Variants in RAP1GAP2 observed in about 807,000 individuals in gnomAD.
RAP1GAP2 encodes RAP1 GTPase activating protein 2.
RAP1GAP2 carries 27 observed loss-of-function variants against 95.0 expected under a neutral mutation model. That is an observed-to-expected ratio of 0.28 (90% CI 0.21 to 0.39). The LOEUF is 0.39. Among genes scored for constraint, RAP1GAP2 ranks in the 10% least tolerant of loss-of-function variants. The pLI, the probability that RAP1GAP2 is intolerant of heterozygous loss-of-function variation, is 1.00. For synonymous variants in RAP1GAP2, 373 were observed against 380.9 expected, an observed-to-expected ratio of 0.98 and a Z score of 0.24; for missense variants, 771 against 970.0, an observed-to-expected ratio of 0.79 and a Z score of 2.72.
intron 2 of RAP1GAP2, among the ~76,000 whole-genome samples, chr17:2,886,187 T>TTGAGCCGGAGTC (rs1567742947): frequency 6.8e-6 from 1 of 148,000 alleles, no homozygotes; most frequent in East Asian, 2.0e-4. Context: ...TTTTTTTTTT[T>TTGAGCCGGAGTC]TTTGAGCCGG....
chr17:2,999,846 C>A (rs1409616059), intron 14 of RAP1GAP2, among the ~76,000 whole-genome samples: 1 of 152,026 alleles, frequency 6.6e-6, no homozygotes, highest in African/African-American at 2.4e-5. Context: ...CCAATAGCAA[C>A]CCCCTCCTGT....
chr17:2,941,212 G>A (rs373683450), intron 3 of RAP1GAP2, among the ~76,000 whole-genome samples: 2 of 152,268 alleles, frequency 1.3e-5, no homozygotes, highest in East Asian at 3.9e-4. Flanking sequence ...GACCAGCCTG[G>A]CCAACGTGGT....
intron 1 of RAP1GAP2, among the ~76,000 whole-genome samples, chr17:2,786,521 G>A (rs1170953579): frequency 6.6e-6 from 1 of 152,284 alleles, no homozygotes; most frequent in Non-Finnish European, 1.5e-5. Context: ...TAGCAGGGGA[G>A]GGCGGGAGTG....
rs1186639231 is a variant in RAP1GAP2 at position 2,870,908 on chromosome 17, T to C, written c.81-34376T>C. 6.6e-6 allele frequency among the ~76,000 whole-genome samples: 1 copy of C among 152,218 alleles called. No homozygotes were observed. Among genetic ancestry groups the C allele is most frequent in the African/African-American group, 2.4e-5 (1 of 41,464 alleles). Reference sequence around the variant, plus strand: ...GGCCATCTGTCTCCATGATGTTGGATCCATGGTTGTAGATCCTTGTGGGCT... The same window carrying C: ...GGCCATCTGTCTCCATGATGTTGGACCCATGGTTGTAGATCCTTGTGGGCT... On this transcript the variant is annotated intron_variant, in intron 2 of 24. Transcript: ENST00000254695. This position sits in a 1 kb window ranked among gnomAD's most constrained non-coding sequence, Gnocchi z 4.4.
intron 2 of RAP1GAP2, among the ~76,000 whole-genome samples, chr17:2,833,684 C>T (rs1177460531): frequency 5.8e-5 from 7 of 120,990 alleles, no homozygotes; most frequent in African/African-American, 1.6e-4. Context: ...AGCGAGACTC[C>T]GTCTCAAAAA....
chr17:2,927,172 T>G lies in RAP1GAP2; in HGVS notation c.165+21804T>G, dbSNP rs561724062. 2.1e-3 allele frequency among the ~76,000 whole-genome samples: 315 copies of G among 151,096 alleles called. 1 individual carries two copies. The highest frequency in any genetic ancestry group is 7.0e-3 in the African/African-American group (287 of 41,232). ...ACGCTGGAGCAAGTCTTTTTTTTTT[T>G]AGACAGAATCTCGCTCTGTCACCCA... is the stretch of plus-strand genomic sequence containing the variant. On this transcript the variant is annotated intron_variant, in intron 3 of 24. Transcript: ENST00000254695.
At chr17:2,940,471 G>A (rs56215632) in intron 3 of RAP1GAP2, among the ~76,000 whole-genome samples, 6,234 of 152,346 alleles carry the variant, frequency 0.041, 286 homozygotes, top group South Asian at 0.1. Context: ...ATGGCGAGAG[G>A]GGGAGGGACT....
chr17:2,826,258 G>A (rs907373499), intron 2 of RAP1GAP2, among the ~76,000 whole-genome samples: 3 of 147,864 alleles, frequency 2.0e-5, no homozygotes, highest in Non-Finnish European at 4.5e-5. Context: ...GCCTCCCCAA[G>A]TGCTGGGATT....
intron 3 of RAP1GAP2, among the ~76,000 whole-genome samples, chr17:2,942,896 T>C (rs1172543081): frequency 6.6e-6 from 1 of 152,032 alleles, no homozygotes; most frequent in Non-Finnish European, 1.5e-5. Context: ...GCCTCCTGAG[T>C]AGCTGGGATG....
In RAP1GAP2 at chr17:2,803,163, T is replaced by A. The variant is rs528816883; in HGVS notation, c.80+2613T>A. On this transcript the variant is annotated intron_variant, in intron 2 of 24. Coordinates refer to ENST00000254695, the MANE Select transcript of RAP1GAP2 (RefSeq NM_015085.5). ...CTGCAACCTGGAAGTGCACCAGTTATAGGGTAGAGTGAAAAGCTGGGGGCG... is the reference window on the plus strand; with the variant it reads ...CTGCAACCTGGAAGTGCACCAGTTAAAGGGTAGAGTGAAAAGCTGGGGGCG... 5.9e-5 allele frequency among the ~76,000 whole-genome samples: 9 copies of A among 152,192 alleles called. No individual in the cohort carries two copies. In the South Asian group the frequency reaches 1.9e-3, roughly 32 times the overall value.
chr17:3,020,881 A>G (rs899968408), intron 19 of RAP1GAP2, among the ~76,000 whole-genome samples: 1 of 152,054 alleles, frequency 6.6e-6, no homozygotes, highest in African/African-American at 2.4e-5. Flanking sequence ...TCCTTTTTCA[A>G]CGCTCACTCA....
At chr17:3,020,105 G>A (rs2046905075) in intron 18 of RAP1GAP2, among the ~76,000 whole-genome samples, 1 of 152,178 alleles carries the variant, frequency 6.6e-6, no homozygotes, top group African/African-American at 2.4e-5. Flanking sequence ...CTTCCTTGCC[G>A]GTAAAGTGAG....
rs2151640798 is a variant in RAP1GAP2 at position 2,871,563 on chromosome 17, A to G, written c.81-33721A>G. Among the ~76,000 whole-genome samples, 1 of 152,248 alleles carries G rather than the reference A, an allele frequency of 6.6e-6. No individual in the cohort carries two copies. The highest frequency in any genetic ancestry group is 2.4e-5 in the African/African-American group (1 of 41,538). On this transcript the variant is annotated intron_variant, in intron 2 of 24. Transcript: ENST00000254695. This position sits in a 1 kb window ranked among gnomAD's most constrained non-coding sequence, Gnocchi z 5.0. ...GAGGCAACAGCGGTAGGGCCAGCAA[A>G]CACCATAGACAAAAGCTGCTTTGGA...
At chr17:2,966,002 G>C (rs971077523) in intron 8 of RAP1GAP2, 11 of 250,086 alleles carry the variant, frequency 4.4e-5, no homozygotes, top group African/African-American at 6.6e-5. Flanking sequence ...AGTCCTGGGA[G>C]AGGGTTCGCC....
At chr17:2,960,123 CAAAAAAAAAAAA>C (rs71153316) in intron 4 of RAP1GAP2, among the ~76,000 whole-genome samples, 1 of 81,010 alleles carries the variant, frequency 1.2e-5, no homozygotes, top group Non-Finnish European at 2.4e-5. Context: ...GACTCCATCT[CAAAAAAAAAAAA>C]AAAAAACAAC....
intron 2 of RAP1GAP2, among the ~76,000 whole-genome samples, chr17:2,872,336 T>C (rs1053511475): frequency 2.6e-5 from 4 of 151,942 alleles, no homozygotes; most frequent in African/African-American, 9.7e-5. Flanking sequence ...GGTTGCAATC[T>C]GAGGTGTCCA....
At chr17:2,853,104 T>C (rs1446226276) in intron 2 of RAP1GAP2, among the ~76,000 whole-genome samples, 2 of 151,760 alleles carry the variant, frequency 1.3e-5, no homozygotes, top group South Asian at 4.2e-4. Context: ...GGAGAGCCAG[T>C]GTTCGCGGGG....
intron 2 of RAP1GAP2, among the ~76,000 whole-genome samples, chr17:2,846,536 G>A (rs142069835): frequency 2.8e-4 from 42 of 152,142 alleles, no homozygotes; most frequent in African/African-American, 9.4e-4. Flanking sequence ...TTAGCCTCCC[G>A]AGTAGCTGGG....
intron 2 of RAP1GAP2, among the ~76,000 whole-genome samples, chr17:2,849,052 T>C (rs533856784): frequency 6.6e-6 from 1 of 152,190 alleles, no homozygotes; most frequent in African/African-American, 2.4e-5. Flanking sequence ...TTCAGAGTGA[T>C]ATCCCAGAGC....
Sources: allele counts gnomAD v4.1 joint callset (sites outside exome capture counted in the v4.1 genomes callset), GRCh38; gene constraint gnomAD v4.1.1; non-coding constraint Gnocchi (gnomAD v3.1); transcripts MANE v1.5; gene names NCBI Gene and HGNC (gene_info 2026-07-23, HGNC 2026-07-21).